The following GRIA1 variants were observed in gnomAD, a reference collection of about 807,000 sequenced individuals.
GRIA1 encodes glutamate receptor 1.
A neutral mutation model predicts 99.2 loss-of-function variants in GRIA1; 31 were observed. The observed-to-expected ratio is 0.31, with a 90% CI of 0.23 to 0.42. The LOEUF is 0.42. Among genes scored for constraint, GRIA1 ranks in the 10% least tolerant of loss-of-function variants. The pLI is 1.00. For synonymous variants in GRIA1, 438 were observed against 432.4 expected, an observed-to-expected ratio of 1.01 and a Z score of -0.16; for missense variants, 782 against 1,157.5, an observed-to-expected ratio of 0.68 and a Z score of 4.71.
rs187515825 is a variant in GRIA1 at position 153,583,531 on chromosome 5, G to T, written c.221-63397G>T. On this transcript the variant is annotated intron_variant, in intron 2 of 15. Transcript: ENST00000285900. Reference sequence around the variant, plus strand: ...TGTCACCACATGGCTCTTTCCCCTCGTGTGTCTGTGTGTCTTTTCTTCTTA... The same window carrying T: ...TGTCACCACATGGCTCTTTCCCCTCTTGTGTCTGTGTGTCTTTTCTTCTTA... Among the ~76,000 whole-genome samples the T allele has an allele frequency of 9.9e-5, 15 of 152,082 alleles. No individual in the cohort carries two copies. The East Asian group carries it at 2.9e-3, about 29-fold the overall frequency.
intron 11 of GRIA1, among the ~76,000 whole-genome samples, chr5:153,711,711 C>T (rs1306488447): frequency 1.3e-5 from 2 of 152,280 alleles, no homozygotes; most frequent in Middle Eastern, 3.4e-3. Context: ...TTCAAATGAA[C>T]TGAGAGTGAG....
chr5:153,807,119 A>G (rs1276760718), intron 15 of GRIA1, among the ~76,000 whole-genome samples: 1 of 152,204 alleles, frequency 6.6e-6, no homozygotes, highest in Non-Finnish European at 1.5e-5. Flanking sequence ...TGACTATAGT[A>G]TTTAAACCCT....
At chr5:153,551,577 C>A (rs1760145721) in intron 2 of GRIA1, among the ~76,000 whole-genome samples, 1 of 152,128 alleles carries the variant, frequency 6.6e-6, no homozygotes, top group African/African-American at 2.4e-5. Context: ...ATGTCTCTTG[C>A]AATATCTGAA....
chr5:153,708,385 G>A (rs866530674), intron 11 of GRIA1, among the ~76,000 whole-genome samples: 27 of 152,094 alleles, frequency 1.8e-4, no homozygotes, highest in African/African-American at 4.8e-4. Context: ...TATGCTTTCC[G>A]GACTTCTGAG....
intron 2 of GRIA1, among the ~76,000 whole-genome samples, chr5:153,636,764 A>G (rs1362992997): frequency 6.6e-6 from 1 of 152,228 alleles, no homozygotes; most frequent in Non-Finnish European, 1.5e-5. Context: ...GTGCTATCAA[A>G]TTAGCATTAA....
At chr5:153,629,074 AGGGGTGGG>A (rs1752737851) in intron 2 of GRIA1, among the ~76,000 whole-genome samples, 1 of 152,218 alleles carries the variant, frequency 6.6e-6, no homozygotes, top group South Asian at 2.1e-4. Context: ...AGAGACAGGC[AGGGGTGGG>A]CCTGTGTACT....
intron 2 of GRIA1, among the ~76,000 whole-genome samples, chr5:153,520,708 C>G (rs1757058310): frequency 6.6e-6 from 1 of 152,140 alleles, no homozygotes; most frequent in Non-Finnish European, 1.5e-5. Flanking sequence ...ACCTATTCAA[C>G]CTTCTGCTTC....
At chr5:153,767,364 G>A (rs1437194011) in intron 12 of GRIA1, among the ~76,000 whole-genome samples, 1 of 152,194 alleles carries the variant, frequency 6.6e-6, no homozygotes, top group Non-Finnish European at 1.5e-5. Flanking sequence ...AGCCTAAAAT[G>A]AGGGAGGCAG....
chr5:153,699,458 G>C (rs904598022), intron 10 of GRIA1, among the ~76,000 whole-genome samples: 3 of 152,110 alleles, frequency 2.0e-5, no homozygotes, highest in African/African-American at 7.2e-5. Context: ...CTAGTTACTT[G>C]CCTCTCTAGT....
intron 5 of GRIA1, among the ~76,000 whole-genome samples, chr5:153,658,629 A>C (rs1019629647): frequency 6.6e-6 from 1 of 152,176 alleles, no homozygotes. Context: ...AATTCATAAG[A>C]CGATAATTTT....
At chr5:153,764,327 G>T in intron 11 of GRIA1, 107 bp from the exon 12 acceptor site, 1 of 781,088 alleles carries the variant, frequency 1.3e-6, no homozygotes. Flanking sequence ...GGGTGCAATA[G>T]GGCCTGACCG....
At chr5:153,593,912 C>G (rs768419375) in intron 2 of GRIA1, among the ~76,000 whole-genome samples, 18 of 152,292 alleles carry the variant, frequency 1.2e-4, no homozygotes, top group East Asian at 3.9e-4. Flanking sequence ...AGAAAGACAA[C>G]ATGAGGGTAA....
intron 2 of GRIA1, among the ~76,000 whole-genome samples, chr5:153,594,519 C>A (rs758305742): frequency 6.6e-6 from 1 of 152,042 alleles, no homozygotes; most frequent in Non-Finnish European, 1.5e-5. Context: ...TATTCATACT[C>A]TAGAATGAGT....
At chr5:153,707,121 A>G (rs934864650) in intron 11 of GRIA1, among the ~76,000 whole-genome samples, 2 of 151,690 alleles carry the variant, frequency 1.3e-5, no homozygotes, top group Non-Finnish European at 2.9e-5. Flanking sequence ...TCTGTCTTTA[A>G]AAAAAAAGAA....
intron 13 of GRIA1, among the ~76,000 whole-genome samples, chr5:153,792,351 C>A (rs1198165563): frequency 6.6e-6 from 1 of 152,188 alleles, no homozygotes; most frequent in Non-Finnish European, 1.5e-5. Flanking sequence ...ACAGTGAGGA[C>A]TTTATTTCTA....
chr5:153,805,336 G>A (rs1280840945), intron 15 of GRIA1, among the ~76,000 whole-genome samples: 1 of 152,158 alleles, frequency 6.6e-6, no homozygotes, highest in African/African-American at 2.4e-5. Flanking sequence ...AAGGGGTTGT[G>A]TGGACATCCC....
intron 2 of GRIA1, among the ~76,000 whole-genome samples, chr5:153,545,361 G>A (rs1004212182): frequency 4.6e-5 from 7 of 152,130 alleles, no homozygotes; most frequent in Non-Finnish European, 8.8e-5. Flanking sequence ...TGCAGAAGGA[G>A]GGGTGAGTTA....
intron 11 of GRIA1, among the ~76,000 whole-genome samples, chr5:153,737,289 G>GT (rs1310429670): frequency 1.0e-4 from 9 of 86,356 alleles, no homozygotes; most frequent in Non-Finnish European, 1.7e-4. Flanking sequence ...GGCAACCCCG[G>GT]TAAAAAAAAA....
intron 2 of GRIA1, among the ~76,000 whole-genome samples, chr5:153,495,452 A>T (rs1754319496): frequency 6.6e-6 from 1 of 152,200 alleles, no homozygotes; most frequent in African/African-American, 2.4e-5. Flanking sequence ...ATGTTCCTGG[A>T]TACTGTGACA....
Sources: gnomAD v4.1 joint callset for allele counts (sites outside exome capture counted in the v4.1 genomes callset) on GRCh38, gnomAD v4.1.1 for gene constraint, MANE v1.5 for transcripts, NCBI Gene and HGNC (gene_info 2026-07-23, HGNC 2026-07-21) for gene names.